The following MTX2 variants were observed in gnomAD, a reference collection of about 807,000 sequenced individuals.
The protein encoded by MTX2 is metaxin 2, also known as metaxin-2.
MTX2 carries 35 observed loss-of-function variants against 42.3 expected under a neutral mutation model. That is an observed-to-expected ratio of 0.83 (90% confidence interval 0.63 to 1.10). The LOEUF is 1.10. Among genes scored for constraint, MTX2 ranks in the 50% least tolerant of loss-of-function variants. The probability of loss-of-function intolerance (pLI) is 0.00; values close to 1 mark genes in which losing one functional copy is unlikely to be tolerated. For missense variants in MTX2, 307 were observed against 304.1 expected (o/e 1.01, Z -0.07); for synonymous variants, 119 against 100.9 (o/e 1.18, Z -1.08).
chr2:176,280,172 G>A (rs1041868830), intron 1 of MTX2, among the ~76,000 whole-genome samples: 1 of 152,148 alleles, frequency 6.6e-6, no homozygotes, highest in African/African-American at 2.4e-5. Context: ...AGGGAGTCAG[G>A]GTGATGTGGT....
At chr2:176,294,365 A>C (rs965860385) in intron 1 of MTX2, among the ~76,000 whole-genome samples, 1 of 150,260 alleles carries the variant, frequency 6.7e-6, no homozygotes, top group East Asian at 2.0e-4. Flanking sequence ...GCTCACAGCA[A>C]CCTCTGCCTC....
intron 1 of MTX2, among the ~76,000 whole-genome samples, chr2:176,282,126 G>GTTTTTTTGTTTTTTTTTTTTTTTT (rs1693091383): frequency 3.8e-5 from 1 of 26,432 alleles, no homozygotes; most frequent in Admixed American, 6.1e-4. Flanking sequence ...AGTTACAGTA[G>GTTTTTTTGTTTTTTTTTTTTTTTT]TTTTTTTTTT....
chr2:176,274,546 C>T (rs193102285), intron 1 of MTX2, among the ~76,000 whole-genome samples: 540 of 152,182 alleles, frequency 3.5e-3, no homozygotes, highest in African/African-American at 0.012. Flanking sequence ...ATTTCTCTCT[C>T]GAGCCACACA....
rs73036843 is a variant in MTX2 at position 176,288,804 on chromosome 2, A to G, written c.41-8056A>G. Among the ~76,000 whole-genome samples, 1,174 of 152,084 alleles carry G rather than the reference A, an allele frequency of 7.7e-3. 18 individuals are homozygous for G. The highest frequency in any genetic ancestry group is 0.027 in the African/African-American group (1,135 of 41,520). ...GGCAGAGGAGTCATGTTGTACATCA[A>G]GAAGGCAGAACTTAAAGAAACAAAC... On this transcript the variant is annotated intron_variant, in intron 1 of 9. Coordinates refer to ENST00000249442, the MANE Select transcript of MTX2 (RefSeq NM_006554.5).
intron 3 of MTX2, among the ~76,000 whole-genome samples, chr2:176,306,613 G>A (rs1309736508): frequency 6.6e-6 from 1 of 152,218 alleles, no homozygotes; most frequent in African/African-American, 2.4e-5. Flanking sequence ...TAACTGGCAT[G>A]AGATGATATC....
chr2:176,297,769 G>T (rs1228428879), intron 2 of MTX2, 80 bp from the exon 3 acceptor site: 3 of 912,226 alleles, frequency 3.3e-6, no homozygotes, highest in South Asian at 2.6e-5. Flanking sequence ...CGATACCTTT[G>T]AATAAATAGA....
At chr2:176,286,001 G>T (rs1163800363) in intron 1 of MTX2, among the ~76,000 whole-genome samples, 2 of 152,132 alleles carry the variant, frequency 1.3e-5, no homozygotes, top group South Asian at 2.1e-4. Flanking sequence ...GAGAATTTTT[G>T]ATTTCTCCAC....
chr2:176,326,431 A>ACATT lies in MTX2; in HGVS notation c.209-393_209-392insATTC, dbSNP rs1235562337. On this transcript the variant is annotated intron_variant, in intron 4 of 9. Coordinates refer to ENST00000249442, the MANE Select transcript of MTX2 (RefSeq NM_006554.5). ...TTTACAATATAGATTGATTCACTGT[A>ACATT]CTCTGAAAAGAAAGCTTACATTTCT... Among the ~76,000 whole-genome samples the ACATT allele has an allele frequency of 2.6e-5, 4 of 151,672 alleles. No homozygotes were observed. The East Asian group carries it at 7.7e-4, about 29-fold the overall frequency.
intron 1 of MTX2, among the ~76,000 whole-genome samples, chr2:176,282,129 T>TTG: frequency 1.5e-5 from 2 of 132,494 alleles, no homozygotes; most frequent in Non-Finnish European, 3.2e-5. Context: ...TACAGTAGTT[T>TTG]TTTTTTTTTT....
intron 2 of MTX2, 36 bp downstream of exon 2, chr2:176,296,943 C>A: frequency 6.4e-7 from 1 of 1,574,574 alleles, no homozygotes; most frequent in Non-Finnish European, 8.7e-7. Flanking sequence ...GGCTTTGTAT[C>A]AAACTATATT....
chr2:176,297,111 A>G (rs1447389406), intron 2 of MTX2, among the ~76,000 whole-genome samples: 1 of 152,112 alleles, frequency 6.6e-6, no homozygotes, highest in Non-Finnish European at 1.5e-5. Flanking sequence ...TTAGTTTATT[A>G]TTGACTCATT....
intron 1 of MTX2, among the ~76,000 whole-genome samples, chr2:176,294,175 T>C (rs1187807309): frequency 6.6e-6 from 1 of 152,202 alleles, no homozygotes; most frequent in South Asian, 2.1e-4. Context: ...GAAGCTTCTT[T>C]AGTCTTATTT....
In MTX2 at chr2:176,270,524, A is replaced by G; in HGVS notation, c.40+855A>G. ...ACATAGGTACTTTGAGATAGAGGCT[A>G]ATGGAATTAGTCATAACTCCCTAGC... On this transcript the variant is annotated intron_variant, in intron 1 of 9. Coordinates refer to ENST00000249442, the MANE Select transcript of MTX2 (RefSeq NM_006554.5). 3 of 753,826 alleles carry G rather than the reference A, an allele frequency of 4.0e-6. No homozygotes were observed. The South Asian group carries it at 4.6e-5, about 12-fold the overall frequency. 46.7% of individuals were successfully genotyped at this position (753,826 alleles called of 1,614,324 possible). A position where few individuals can be genotyped will look rare whatever the true frequency, so the allele number is the denominator to read the frequency against.
chr2:176,333,466 C>A (rs2105448894), intron 9 of MTX2, among the ~76,000 whole-genome samples: 1 of 151,668 alleles, frequency 6.6e-6, no homozygotes, highest in East Asian at 1.9e-4. Flanking sequence ...TGAATTTTAA[C>A]AAAGGCATAC....
intron 3 of MTX2, among the ~76,000 whole-genome samples, chr2:176,317,562 T>G (rs1684477354): frequency 6.6e-6 from 1 of 152,028 alleles, no homozygotes; most frequent in African/African-American, 2.4e-5. Context: ...CACTGTAGAT[T>G]GATTATATAT....
At chr2:176,316,051 C>T (rs1446568947) in intron 3 of MTX2, among the ~76,000 whole-genome samples, 1 of 152,146 alleles carries the variant, frequency 6.6e-6, no homozygotes, top group Non-Finnish European at 1.5e-5. Context: ...GCCTGCTTGT[C>T]CCAGTAGCTA....
intron 9 of MTX2, among the ~76,000 whole-genome samples, chr2:176,334,686 A>G (rs2681902): frequency 0.58 from 87,654 of 151,178 alleles, 25,569 homozygotes; most frequent in Admixed American, 0.65. Flanking sequence ...GTAAGTTACT[A>G]CTATTGAGAA....
At chr2:176,294,173 T>C (rs1244192706) in intron 1 of MTX2, among the ~76,000 whole-genome samples, 1 of 152,198 alleles carries the variant, frequency 6.6e-6, no homozygotes, top group Non-Finnish European at 1.5e-5. Context: ...AGGAAGCTTC[T>C]TTAGTCTTAT....
intron 4 of MTX2, among the ~76,000 whole-genome samples, chr2:176,324,824 A>G (rs777743659): frequency 4.0e-5 from 6 of 151,832 alleles, no homozygotes; most frequent in Admixed American, 3.9e-4. Context: ...CTATAGGTAG[A>G]TGAAAATGGC....
Sources: allele counts gnomAD v4.1 joint callset (sites outside exome capture counted in the v4.1 genomes callset), GRCh38; gene constraint gnomAD v4.1.1; transcripts MANE v1.5; gene names NCBI Gene and HGNC (gene_info 2026-07-23, HGNC 2026-07-21).